Variants in CSMD1 observed in about 807,000 individuals in gnomAD.
CSMD1 encodes CUB and Sushi multiple domains 1, also known as CUB and sushi domain-containing protein 1.
In CSMD1, 213 loss-of-function variants were observed where a neutral mutation model predicts 417.5. That is an observed-to-expected ratio of 0.51 (90% CI 0.46 to 0.57). CSMD1 has a LOEUF of 0.57. Among genes scored for constraint, CSMD1 ranks in the 20% least tolerant of loss-of-function variants. The probability of loss-of-function intolerance (pLI) is 0.00; values close to 1 mark genes in which losing one functional copy is unlikely to be tolerated. For synonymous variants in CSMD1, 2,862 were observed against 1,736.8 expected (o/e 1.65, Z -16.11); for missense variants, 6,923 against 4,529.7 (o/e 1.53, Z -15.17).
chr8:4,837,892 C>T (rs959669221), intron 1 of CSMD1, among the ~76,000 whole-genome samples: 2 of 151,636 alleles, frequency 1.3e-5, no homozygotes, highest in East Asian at 3.9e-4. Context: ...TAACGTGAAC[C>T]CCAAAATTAA....
chr8:4,524,795 T>C (rs1359099409), intron 2 of CSMD1, among the ~76,000 whole-genome samples: 2 of 152,102 alleles, frequency 1.3e-5, no homozygotes, highest in Non-Finnish European at 2.9e-5. Flanking sequence ...ATCCAGTAAA[T>C]TACGGTGAGT....
At chr8:3,364,866 G>C (rs967982878) in intron 20 of CSMD1, among the ~76,000 whole-genome samples, 3 of 152,192 alleles carry the variant, frequency 2.0e-5, no homozygotes, top group African/African-American at 7.2e-5. Flanking sequence ...GGCACAAACA[G>C]ACTAAGACAG....
chr8:4,315,770 T>C (rs1798887793), intron 3 of CSMD1, among the ~76,000 whole-genome samples: 1 of 151,514 alleles, frequency 6.6e-6, no homozygotes, highest in Admixed American at 6.6e-5. Flanking sequence ...GGTCATTTCA[T>C]TTCAAAACAT....
At chr8:3,074,964 G>A (rs1813547256) in intron 49 of CSMD1, among the ~76,000 whole-genome samples, 1 of 152,092 alleles carries the variant, frequency 6.6e-6, no homozygotes, top group Admixed American at 6.5e-5. Context: ...TGGATGATGG[G>A]GCCGGATTTC....
At chr8:3,275,304 A>G (rs1251242205) in intron 26 of CSMD1, among the ~76,000 whole-genome samples, 1 of 152,114 alleles carries the variant, frequency 6.6e-6, no homozygotes. Context: ...ATCTGCTGTT[A>G]GTCTGATGGG....
At chr8:4,929,748 A>C (rs1031165645) in intron 1 of CSMD1, among the ~76,000 whole-genome samples, 1 of 152,150 alleles carries the variant, frequency 6.6e-6, no homozygotes, top group Non-Finnish European at 1.5e-5. Flanking sequence ...ATTCACCCTA[A>C]GCCATGGTTA....
chr8:3,843,610 T>C (rs1803278579), intron 5 of CSMD1, among the ~76,000 whole-genome samples: 1 of 152,192 alleles, frequency 6.6e-6, no homozygotes, highest in African/African-American at 2.4e-5. Flanking sequence ...TTGAATATTT[T>C]AAAGAGAAAT....
At chr8:3,457,667 T>C (rs913817192) in intron 12 of CSMD1, among the ~76,000 whole-genome samples, 1 of 152,192 alleles carries the variant, frequency 6.6e-6, no homozygotes, top group Non-Finnish European at 1.5e-5. Context: ...ACAACACAAT[T>C]CAGAAATTTT....
At chr8:3,542,030 TTTG>T (rs1237641222) in intron 10 of CSMD1, among the ~76,000 whole-genome samples, 11 of 152,252 alleles carry the variant, frequency 7.2e-5, no homozygotes, top group Non-Finnish European at 1.5e-4. Flanking sequence ...GGAAAAAATA[TTTG>T]TTGTTAATTA....
intron 42 of CSMD1, 134 bp from the exon 43 acceptor site, chr8:3,110,469 C>T (rs1816438083): frequency 4.4e-6 from 3 of 683,126 alleles, no homozygotes; most frequent in Admixed American, 3.8e-5. Context: ...TTCTGAATCA[C>T]CATTTTGTCA....
At chr8:3,834,612 C>G (rs553681735) in intron 5 of CSMD1, among the ~76,000 whole-genome samples, 1 of 152,146 alleles carries the variant, frequency 6.6e-6, no homozygotes, top group Non-Finnish European at 1.5e-5. Flanking sequence ...GAAGGTAATA[C>G]GTTTCAGAGA....
intron 26 of CSMD1, among the ~76,000 whole-genome samples, chr8:3,268,214 A>T (rs1801573096): frequency 6.7e-6 from 1 of 150,226 alleles, no homozygotes; most frequent in African/African-American, 2.5e-5. Flanking sequence ...GAATGATTAC[A>T]CTAGTGCCAT....
chr8:4,464,044 A>T (rs1392522193), intron 2 of CSMD1, among the ~76,000 whole-genome samples: 2 of 151,740 alleles, frequency 1.3e-5, no homozygotes, highest in Non-Finnish European at 2.9e-5. Context: ...TTACGAATTA[A>T]AAAAAAAGGA....
chr8:4,958,350 C>T (rs928609050), intron 1 of CSMD1, among the ~76,000 whole-genome samples: 5 of 151,968 alleles, frequency 3.3e-5, no homozygotes, highest in Non-Finnish European at 7.4e-5. Context: ...TAAAGGTGAA[C>T]ATGGTTGATC....
chr8:3,596,532 T>A (rs888435062), intron 8 of CSMD1, among the ~76,000 whole-genome samples: 1 of 152,214 alleles, frequency 6.6e-6, no homozygotes. Flanking sequence ...TGGGAACTTA[T>A]CACTTAAATC....
At chr8:4,222,669 C>G (rs981237248) in intron 3 of CSMD1, among the ~76,000 whole-genome samples, 1 of 152,166 alleles carries the variant, frequency 6.6e-6, no homozygotes, top group Non-Finnish European at 1.5e-5. Context: ...ATGCCAAATT[C>G]AGTAACACAA....
rs754460132 is a variant in CSMD1, at chr8:4,912,040, G to C, written c.85+82292C>G. Among the ~76,000 whole-genome samples, 116 of 122,104 alleles carry C rather than the reference G, an allele frequency of 9.5e-4. 2 individuals are homozygous for C. Among genetic ancestry groups the C allele is most frequent in the African/African-American group, 2.5e-4 (8 of 31,780 alleles). The allele number at this position is 122,104 out of a possible 152,430, so 80.1% of individuals were successfully genotyped here. ...TGTAACCTTTATTAAAGGAAAAAAA[G>C]AAGAAAAAGAAAAAGAAAAAACCTA... On this transcript the variant is annotated intron_variant, in intron 1 of 69. Transcript: ENST00000635120.
intron 1 of CSMD1, among the ~76,000 whole-genome samples, chr8:4,952,474 G>A (rs192689940): frequency 1.3e-5 from 2 of 151,988 alleles, no homozygotes; most frequent in East Asian, 1.9e-4. Flanking sequence ...AAAAGAAAAG[G>A]CAAAATATTT....
chr8:2,991,676 G>A (rs1327496916), intron 54 of CSMD1, among the ~76,000 whole-genome samples: 1 of 152,166 alleles, frequency 6.6e-6, no homozygotes, highest in Admixed American at 6.5e-5. Context: ...AAAAATGCGA[G>A]TGAATATGAG....
Sources: gnomAD v4.1 joint callset for allele counts (sites outside exome capture counted in the v4.1 genomes callset) on GRCh38, gnomAD v4.1.1 for gene constraint, MANE v1.5 for transcripts, NCBI Gene and HGNC (gene_info 2026-07-23, HGNC 2026-07-21) for gene names.